The following C8orf34 variants were observed in gnomAD, a reference collection of about 807,000 sequenced individuals.
C8orf34 encodes the protein chromosome 8 open reading frame 34, also known as uncharacterized protein C8orf34.
Under a neutral mutation model 68.3 loss-of-function variants are expected in C8orf34, and 65 were observed. That is an observed-to-expected ratio of 0.95 (90% CI 0.78 to 1.17). The LOEUF is 1.17. C8orf34 is among the 50% of genes most tolerant of loss of function. The pLI, the probability that C8orf34 is intolerant of heterozygous loss-of-function variation, is 0.00. For missense variants in C8orf34, 664 were observed against 655.4 expected, an observed-to-expected ratio of 1.01 and a Z score of -0.14; for synonymous variants, 244 against 241.2, an observed-to-expected ratio of 1.01 and a Z score of -0.11.
At chr8:68,746,679 A>T (rs1486405427) in intron 10 of C8orf34, among the ~76,000 whole-genome samples, 1 of 148,396 alleles carries the variant, frequency 6.7e-6, no homozygotes, top group Non-Finnish European at 1.5e-5. Flanking sequence ...CCAAGACTAA[A>T]CCAGGAAGAA....
chr8:68,723,085 GA>G (rs1821720952), intron 10 of C8orf34, among the ~76,000 whole-genome samples: 1 of 152,012 alleles, frequency 6.6e-6, no homozygotes, highest in African/African-American at 2.4e-5. Flanking sequence ...AGGAGTTGGG[GA>G]CTAGTCAATT....
chr8:68,781,884 TA>T (rs1823689237), intron 11 of C8orf34, among the ~76,000 whole-genome samples: 1 of 152,228 alleles, frequency 6.6e-6, no homozygotes, highest in Non-Finnish European at 1.5e-5. Flanking sequence ...AATTAGAGAA[TA>T]GTTGAATGCT....
At chr8:68,760,474 C>T (rs1346056448) in intron 10 of C8orf34, among the ~76,000 whole-genome samples, 1 of 152,084 alleles carries the variant, frequency 6.6e-6, no homozygotes, top group Admixed American at 6.5e-5. Context: ...GCTTGATTTC[C>T]AGGGAGTGTT....
intron 4 of C8orf34, among the ~76,000 whole-genome samples, chr8:68,473,995 G>T (rs551090598): frequency 6.6e-6 from 1 of 152,220 alleles, no homozygotes; most frequent in South Asian, 2.1e-4. Context: ...CCTCATTCAG[G>T]AGTTTATCTT....
At chr8:68,534,120 T>C (rs1303602064) in intron 7 of C8orf34, 6 of 983,818 alleles carry the variant, frequency 6.1e-6, no homozygotes, top group Non-Finnish European at 7.2e-6. Flanking sequence ...TTATAAAAAA[T>C]GATATATTGC....
chr8:68,572,258 C>CACACAT (rs1486860835), intron 7 of C8orf34, among the ~76,000 whole-genome samples: 7 of 152,066 alleles, frequency 4.6e-5, no homozygotes, highest in African/African-American at 1.4e-4. Flanking sequence ...CACACACACA[C>CACACAT]ACACACAGTA....
chr8:68,604,992 A>G (rs1227176029), intron 7 of C8orf34, among the ~76,000 whole-genome samples: 1 of 152,122 alleles, frequency 6.6e-6, no homozygotes, highest in Non-Finnish European at 1.5e-5. Flanking sequence ...TATATAAAGA[A>G]CCCTTAAAAT....
chr8:68,799,961 A>T (rs1824283315), intron 12 of C8orf34, among the ~76,000 whole-genome samples: 1 of 152,194 alleles, frequency 6.6e-6, no homozygotes, highest in South Asian at 2.1e-4. Context: ...GGACACAAAG[A>T]CAGGAAGAAT....
chr8:68,598,143 T>TAG (rs1817599497), intron 7 of C8orf34, among the ~76,000 whole-genome samples: 1 of 152,150 alleles, frequency 6.6e-6, no homozygotes, highest in East Asian at 1.9e-4. Flanking sequence ...GAACAATGCC[T>TAG]TACTAGTGAC....
Position 68,334,533 on chromosome 8 carries a change from A to G in C8orf34, c.327+3194A>G, listed in dbSNP as rs1195021720. On this transcript the variant is annotated intron_variant, in intron 1 of 13. Coordinates refer to ENST00000518698, the MANE Select transcript of C8orf34 (RefSeq NM_052958.4). ...TAGAAACTTTTGAGTTTCTCCCATT[A>G]TTGATTGGAAGAGTGCTCAGGGCAG... Among the ~76,000 whole-genome samples the G allele has an allele frequency of 2.0e-5, 3 of 151,998 alleles. No homozygotes were observed. The East Asian group carries it at 5.8e-4, about 29-fold the overall frequency.
intron 11 of C8orf34, among the ~76,000 whole-genome samples, chr8:68,787,058 T>C (rs1243374514): frequency 1.3e-5 from 2 of 152,198 alleles, no homozygotes; most frequent in Non-Finnish European, 2.9e-5. Flanking sequence ...CTAAATCCCA[T>C]TCATCTTCAT....
chr8:68,767,698 A>G (rs907494223), intron 10 of C8orf34, among the ~76,000 whole-genome samples: 2 of 152,200 alleles, frequency 1.3e-5, no homozygotes, highest in Admixed American at 6.5e-5. Context: ...CAAGGGCACA[A>G]TCATAACTCA....
At chr8:68,405,337 A>C (rs1418439375) in intron 1 of C8orf34, among the ~76,000 whole-genome samples, 1 of 152,174 alleles carries the variant, frequency 6.6e-6, no homozygotes, top group Non-Finnish European at 1.5e-5. Flanking sequence ...GTTTATTCTC[A>C]GATCACTGGA....
chr8:68,757,624 AAAAT>A (rs150094375), intron 10 of C8orf34, among the ~76,000 whole-genome samples: 10,698 of 151,886 alleles, frequency 0.07, 849 homozygotes, highest in East Asian at 0.45. Flanking sequence ...CCGTCTCAAA[AAAAT>A]AAATAAATAA....
chr8:68,477,472 C>G (rs2890429), intron 4 of C8orf34, among the ~76,000 whole-genome samples: 91,798 of 152,038 alleles, frequency 0.6, 28,351 homozygotes, highest in East Asian at 0.89. Flanking sequence ...GGAGCCTCCA[C>G]ACACAGTTCC....
chr8:68,496,854 T>C (rs1344174348), intron 5 of C8orf34, among the ~76,000 whole-genome samples: 3 of 152,210 alleles, frequency 2.0e-5, no homozygotes, highest in African/African-American at 7.2e-5. Flanking sequence ...CCAGAATCTC[T>C]TGCCTACTCA....
intron 5 of C8orf34, among the ~76,000 whole-genome samples, chr8:68,501,603 G>A (rs1486884965): frequency 6.6e-6 from 1 of 152,130 alleles, no homozygotes; most frequent in Non-Finnish European, 1.5e-5. Context: ...AATTTTCCTG[G>A]ATATAGGTAT....
chr8:68,546,141 T>C (rs925071279), intron 7 of C8orf34, among the ~76,000 whole-genome samples: 1 of 152,008 alleles, frequency 6.6e-6, no homozygotes, highest in Non-Finnish European at 1.5e-5. Context: ...TAAAATATAT[T>C]TGACTAAGGA....
intron 7 of C8orf34, chr8:68,535,430 G>T: frequency 2.0e-6 from 2 of 980,868 alleles, no homozygotes; most frequent in Non-Finnish European, 2.4e-6. Context: ...ACCTTGTGAA[G>T]TGATAAATAA....
Sources: gnomAD v4.1 joint callset for allele counts (sites outside exome capture counted in the v4.1 genomes callset) on GRCh38, gnomAD v4.1.1 for gene constraint, MANE v1.5 for transcripts, NCBI Gene and HGNC (gene_info 2026-07-23, HGNC 2026-07-21) for gene names.